Variants in CDH1 observed in about 807,000 individuals in gnomAD.
CDH1 encodes the protein cadherin 1.
Under a neutral mutation model 84.5 loss-of-function variants are expected in CDH1, and 35 were observed. The ratio of observed to expected loss-of-function variants is 0.41; its 90% CI spans 0.32 to 0.55. The LOEUF (loss-of-function observed/expected upper bound fraction) is 0.55. Ranked by LOEUF, CDH1 falls within the 20% of genes least tolerant of loss-of-function variation. The pLI, the probability that CDH1 is intolerant of heterozygous loss-of-function variation, is 0.19. For missense variants in CDH1, 994 were observed against 1,126.6 expected (o/e 0.88, Z 1.68); for synonymous variants, 417 against 439.0 (o/e 0.95, Z 0.63).
At chr16:68,813,702 C>G in intron 9 of CDH1, 1 of 697,278 alleles carries the variant, frequency 1.4e-6, no homozygotes, top group Non-Finnish European at 2.6e-6. Context: ...GTGGCTCACG[C>G]CTGTAATCCC....
intron 3 of CDH1, among the ~76,000 whole-genome samples, chr16:68,805,754 C>T (rs1960638335): frequency 6.6e-6 from 1 of 151,900 alleles, no homozygotes; most frequent in East Asian, 1.9e-4. Flanking sequence ...ACCACCACAC[C>T]CAGCTAATTT....
At chr16:68,781,497 C>T (rs1959876841) in intron 2 of CDH1, among the ~76,000 whole-genome samples, 2 of 152,134 alleles carry the variant, frequency 1.3e-5, no homozygotes. Context: ...CATGCCACTA[C>T]ACCTGGCTAA....
chr16:68,762,934 A>AG lies in CDH1; in HGVS notation c.163+24523_163+24524insG, dbSNP rs1309042070. ...TCTCAAAAAAAAAAAAAAAAAAAAA[A>AG]AAAAAAAAAGCCCCAAACCAGCTGA... On this transcript the variant is annotated intron_variant, in intron 2 of 15. Transcript: ENST00000261769. Among the ~76,000 whole-genome samples the AG allele has an allele frequency of 4.3e-5, 6 of 140,676 alleles. No homozygotes were observed. The East Asian group carries it at 1.3e-3, about 30-fold the overall frequency. 92.3% of individuals were successfully genotyped at this position (140,676 alleles called of 152,430 possible). A position where few individuals can be genotyped will look rare whatever the true frequency, so the allele number is the denominator to read the frequency against.
intron 2 of CDH1, among the ~76,000 whole-genome samples, chr16:68,790,229 G>T (rs1960170876): frequency 6.6e-6 from 1 of 152,198 alleles, no homozygotes; most frequent in Non-Finnish European, 1.5e-5. Context: ...TCTCAGGCCT[G>T]TCAGCTGCCC....
chr16:68,804,303 C>T (rs899765372), intron 3 of CDH1, among the ~76,000 whole-genome samples: 5 of 151,604 alleles, frequency 3.3e-5, no homozygotes, highest in South Asian at 2.1e-4. Context: ...TTAGTAGAGA[C>T]GGGGTTTCAC....
chr16:68,823,992 C>CTTTTTTTTTTTTT (rs889358029), intron 13 of CDH1, among the ~76,000 whole-genome samples: 9 of 99,930 alleles, frequency 9.0e-5, no homozygotes, highest in African/African-American at 1.7e-4. Context: ...TTCTGCATTT[C>CTTTTTTTTTTTTT]TTTTTTTTTT....
intron 14 of CDH1, among the ~76,000 whole-genome samples, chr16:68,828,715 A>G (rs1414179739): frequency 6.6e-6 from 1 of 152,172 alleles, no homozygotes; most frequent in Non-Finnish European, 1.5e-5. Context: ...AGCTAGACCA[A>G]ACTCCTTTTC....
chr16:68,833,158 G>A (rs928196276), intron 15 of CDH1, 132 bp from the exon 16 acceptor site: 1 of 739,084 alleles, frequency 1.4e-6, no homozygotes, highest in Non-Finnish European at 2.4e-6. Context: ...TACGTTGTTG[G>A]TGTTCACTGC....
rs889358029 is a variant in CDH1 at position 68,823,992 on chromosome 16, CTTT to C, written c.2164+386_2164+388del. On this transcript the variant is annotated intron_variant, in intron 13 of 15. Transcript: ENST00000261769. ...GCATAGGGCCACAGATTCTGCATTTCTTTTTTTTTTTTTTTTTTTTTTGAGATG... is the reference window on the plus strand; with the variant it reads ...GCATAGGGCCACAGATTCTGCATTTCTTTTTTTTTTTTTTTTTTTGAGATG... 6.6e-3 allele frequency among the ~76,000 whole-genome samples: 664 copies of C among 99,888 alleles called. 10 individuals are homozygous for C. Among genetic ancestry groups the C allele is most frequent in the African/African-American group, 0.026 (617 of 23,894 alleles). 65.5% of individuals were successfully genotyped at this position (99,888 alleles called of 152,430 possible).
chr16:68,741,599 T>G (rs1453522463), intron 2 of CDH1, among the ~76,000 whole-genome samples: 2 of 151,532 alleles, frequency 1.3e-5, no homozygotes, highest in Non-Finnish European at 2.9e-5. Flanking sequence ...ATCTCAACCT[T>G]GTATTTATTC....
chr16:68,797,685 CAAAT>C (rs1249207582), intron 2 of CDH1, among the ~76,000 whole-genome samples: 1 of 152,076 alleles, frequency 6.6e-6, no homozygotes, highest in African/African-American at 2.4e-5. Flanking sequence ...AAAAAGCACA[CAAAT>C]AAAATTAAAT....
At chr16:68,821,950 G>A (rs1301616306) in intron 11 of CDH1, 51 bp from the exon 12 acceptor site, 2 of 1,405,860 alleles carry the variant, frequency 1.4e-6, no homozygotes, top group Admixed American at 3.4e-5. Context: ...AAGGCAATGG[G>A]GATTCATTAC....
intron 3 of CDH1, among the ~76,000 whole-genome samples, chr16:68,808,182 T>G (rs915992115): frequency 2.6e-5 from 4 of 152,222 alleles, no homozygotes; most frequent in African/African-American, 9.6e-5. Context: ...CTCTGGACAC[T>G]AAGAAGGATA....
intron 2 of CDH1, among the ~76,000 whole-genome samples, chr16:68,801,142 C>T (rs1259980228): frequency 1.3e-5 from 2 of 152,132 alleles, no homozygotes; most frequent in South Asian, 4.1e-4. Context: ...GATGGAGTCT[C>T]GCTCTGTTGC....
At chr16:68,777,855 C>T (rs1471380947) in intron 2 of CDH1, among the ~76,000 whole-genome samples, 1 of 151,854 alleles carries the variant, frequency 6.6e-6, no homozygotes, top group African/African-American at 2.4e-5. Context: ...CCTCAGCCTC[C>T]CAAGTAGCAG....
chr16:68,811,451 C>T (rs534118496), intron 6 of CDH1, among the ~76,000 whole-genome samples: 2 of 151,184 alleles, frequency 1.3e-5, no homozygotes, highest in African/African-American at 4.8e-5. Flanking sequence ...GGTAATCATT[C>T]CCTTTCTTTT....
chr16:68,822,331 C>A, intron 12 of CDH1, 106 bp downstream of exon 12: 3 of 787,838 alleles, frequency 3.8e-6, no homozygotes, highest in South Asian at 2.9e-5. Context: ...GATGTCACCC[C>A]TTCCATTGAT....
At chr16:68,810,138 C>T (rs1031565992) in intron 5 of CDH1, 59 bp from the exon 6 acceptor site, 45 of 1,601,572 alleles carry the variant, frequency 2.8e-5, no homozygotes, top group Non-Finnish European at 3.6e-5. Flanking sequence ...TGGCTGGGCC[C>T]CTTCTCCCAT....
At chr16:68,829,501 C>T (rs533013958) in intron 14 of CDH1, among the ~76,000 whole-genome samples, 153 bp from the exon 15 acceptor site, 1 of 152,178 alleles carries the variant, frequency 6.6e-6, no homozygotes, top group East Asian at 1.9e-4. Context: ...AGACTTTTAG[C>T]TTGAAAACTG....
Sources: gnomAD v4.1 joint callset for allele counts (sites outside exome capture counted in the v4.1 genomes callset) on GRCh38, gnomAD v4.1.1 for gene constraint, MANE v1.5 for transcripts, NCBI Gene and HGNC (gene_info 2026-07-23, HGNC 2026-07-21) for gene names.